Variants in PRIM2 observed in about 807,000 individuals in gnomAD.
The protein encoded by PRIM2 is DNA primase large subunit.
Under a neutral mutation model 67.3 loss-of-function variants are expected in PRIM2, and 39 were observed. The ratio of observed to expected loss-of-function variants is 0.58; its 90% CI spans 0.45 to 0.76. The LOEUF is 0.76. PRIM2 is among the 30% of genes least tolerant of loss of function. PRIM2 has a pLI of 0.00. For missense variants in PRIM2, 398 were observed against 598.7 expected, an observed-to-expected ratio of 0.66 and a Z score of 3.50; for synonymous variants, 143 against 198.7, an observed-to-expected ratio of 0.72 and a Z score of 2.36.
chr6:57,605,762 C>T (rs1316799777), intron 11 of PRIM2, among the ~76,000 whole-genome samples: 10 of 152,060 alleles, frequency 6.6e-5, no homozygotes, highest in African/African-American at 2.4e-4. Flanking sequence ...AGTGGTCTTT[C>T]ATTTTTTTCA....
intron 7 of PRIM2, among the ~76,000 whole-genome samples, chr6:57,476,315 G>A (rs1205099993): frequency 3.3e-5 from 5 of 152,268 alleles, no homozygotes; most frequent in South Asian, 2.1e-4. Flanking sequence ...CCAAAATTGC[G>A]CAGTGATATC....
intron 10 of PRIM2, among the ~76,000 whole-genome samples, chr6:57,542,958 T>TTTTTTTTTTTTTTTTTTA (rs1775199901): frequency 7.6e-6 from 1 of 132,340 alleles, no homozygotes; most frequent in Admixed American, 7.5e-5. Flanking sequence ...TTTTTTTTTT[T>TTTTTTTTTTTTTTTTTTA]GAGACGGAGT....
Position 57,382,382 on chromosome 6 carries a change from T to TAAGAAAAAAA in PRIM2, c.693+215_693+216insAGAAAAAAAA, listed in dbSNP as rs1769994514. On this transcript the variant is annotated intron_variant, in intron 7 of 13. Coordinates refer to ENST00000615550, the MANE Select transcript of PRIM2 (RefSeq NM_000947.5). ...GTTTTTAAGTTTTTTTTCTTGATCCTACTAATACCAATGCTGAGTGATTAA... is the reference window on the plus strand; with the variant it reads ...GTTTTTAAGTTTTTTTTCTTGATCCTAAGAAAAAAAACTAATACCAATGCTGAGTGATTAA... 22 of 434,568 alleles carry TAAGAAAAAAA rather than the reference T, an allele frequency of 5.1e-5. No homozygotes were observed. In the Admixed American group the frequency reaches 7.2e-4, roughly 14 times the overall value. 26.9% of individuals were successfully genotyped at this position (434,568 alleles called of 1,614,324 possible). A position where few individuals can be genotyped will look rare whatever the true frequency, so the allele number is the denominator to read the frequency against.
chr6:57,508,207 GATTACAGGC>G (rs1224352149), intron 8 of PRIM2, among the ~76,000 whole-genome samples: 8 of 152,184 alleles, frequency 5.3e-5, no homozygotes, highest in African/African-American at 1.7e-4. Context: ...AAAGTGCTGG[GATTACAGGC>G]ATAAGCCACC....
chr6:57,572,601 G>A (rs1775882756), intron 10 of PRIM2, among the ~76,000 whole-genome samples: 1 of 152,142 alleles, frequency 6.6e-6, no homozygotes, highest in African/African-American at 2.4e-5. Flanking sequence ...GTGCATACCT[G>A]TGGAATTTAT....
the PRIM2 span, among the ~76,000 whole-genome samples, chr6:57,283,694 G>T: frequency 1.3e-5 from 2 of 152,038 alleles, no homozygotes; most frequent in Non-Finnish European, 2.9e-5. Context: ...TGAAAGATTT[G>T]TAAGGCATCT....
intron 10 of PRIM2, among the ~76,000 whole-genome samples, chr6:57,592,280 T>C (rs1308590424): frequency 6.6e-6 from 1 of 152,168 alleles, no homozygotes; most frequent in Non-Finnish European, 1.5e-5. Flanking sequence ...AATATAACGG[T>C]ATAACAAACC....
intron 7 of PRIM2, among the ~76,000 whole-genome samples, chr6:57,506,037 A>C (rs1372070419): frequency 6.6e-6 from 1 of 151,812 alleles, no homozygotes; most frequent in African/African-American, 2.4e-5. Context: ...TTAAAGTATT[A>C]AAGTGTTTTG....
At chr6:57,372,073 A>G (rs1769579897) in intron 5 of PRIM2, among the ~76,000 whole-genome samples, 1 of 152,250 alleles carries the variant, frequency 6.6e-6, no homozygotes, top group African/African-American at 2.4e-5. Context: ...AGTGTTGATT[A>G]TCTGTAATTT....
chr6:57,381,619 G>A (rs1035382399), intron 6 of PRIM2, among the ~76,000 whole-genome samples: 1 of 152,150 alleles, frequency 6.6e-6, no homozygotes, highest in Non-Finnish European at 1.5e-5. Context: ...TTACTTACAA[G>A]TAATTTTCAG....
At chr6:57,407,692 A>G (rs1770940215) in intron 7 of PRIM2, among the ~76,000 whole-genome samples, 1 of 152,174 alleles carries the variant, frequency 6.6e-6, no homozygotes, top group Non-Finnish European at 1.5e-5. Context: ...AGAATTTGAA[A>G]CTGTGTATTT....
intron 7 of PRIM2, among the ~76,000 whole-genome samples, chr6:57,459,839 A>C (rs1404397654): frequency 2.6e-5 from 4 of 152,188 alleles, no homozygotes; most frequent in Admixed American, 2.0e-4. Flanking sequence ...CATCTCTACA[A>C]AACCTTCACA....
rs1368836739 is a variant in PRIM2 at position 57,629,353 on chromosome 6, G to A, written c.1231-2780G>A. 1.4e-3 allele frequency among the ~76,000 whole-genome samples: 211 copies of A among 152,226 alleles called. 4 individuals carry two copies. The East Asian group carries it at 0.019, about 13-fold the overall frequency. The stretch of plus-strand genomic sequence containing the variant: ...AATCATATTGTTTAGTGGCTACTGC[G>A]TGATATTTTGGGTATTTTACATTTA... On this transcript the variant is annotated intron_variant, in intron 12 of 13. Coordinates refer to ENST00000615550, the MANE Select transcript of PRIM2 (RefSeq NM_000947.5).
chr6:57,264,357 T>C, the PRIM2 span, among the ~76,000 whole-genome samples: 1 of 152,184 alleles, frequency 6.6e-6, no homozygotes. Context: ...TAACTGGTTG[T>C]CGTCGGGGGA....
At chr6:57,341,779 A>G (rs550839969) in intron 5 of PRIM2, among the ~76,000 whole-genome samples, 2 of 152,310 alleles carry the variant, frequency 1.3e-5, no homozygotes, top group South Asian at 4.1e-4. Context: ...CTGATGTGTG[A>G]CCTGCTGCCT....
chr6:57,541,022 G>A (rs1300630650), intron 10 of PRIM2, among the ~76,000 whole-genome samples: 1 of 152,140 alleles, frequency 6.6e-6, no homozygotes, highest in Non-Finnish European at 1.5e-5. Flanking sequence ...ACACCATTGG[G>A]CTCATAGGAA....
At chr6:57,244,403 T>C in the PRIM2 span, among the ~76,000 whole-genome samples, 1 of 152,208 alleles carries the variant, frequency 6.6e-6, no homozygotes, top group East Asian at 1.9e-4. Flanking sequence ...TTTAAAATTG[T>C]CTTCCTCATT....
rs1229708172 is a variant in PRIM2 at position 57,362,896 on chromosome 6, C to T, written c.460-17005C>T. ...AATAAATAGTTTGTAATTAAAGAAA[C>T]GGTTGCAAATTTCAAAGACTTGATC... On this transcript the variant is annotated intron_variant, in intron 5 of 13. Transcript: ENST00000615550. Among the ~76,000 whole-genome samples, 6 of 152,198 alleles carry T rather than the reference C, an allele frequency of 3.9e-5. No individual in the cohort carries two copies. In the East Asian group the frequency reaches 9.6e-4, roughly 24 times the overall value.
intron 10 of PRIM2, among the ~76,000 whole-genome samples, chr6:57,583,890 G>A (rs1406977130): frequency 2.6e-5 from 4 of 152,278 alleles, no homozygotes; most frequent in African/African-American, 9.6e-5. Context: ...CTTGACTTCT[G>A]GAAACCTTAG....
Sources: gnomAD v4.1 joint callset for allele counts (sites outside exome capture counted in the v4.1 genomes callset) on GRCh38, gnomAD v4.1.1 for gene constraint, MANE v1.5 for transcripts, NCBI Gene and HGNC (gene_info 2026-07-23, HGNC 2026-07-21) for gene names.